SEL1L: variants seen among roughly 807,000 people sequenced by gnomAD.
SEL1L encodes protein sel-1 homolog 1.
A neutral mutation model predicts 109.8 loss-of-function variants in SEL1L; 52 were observed. The ratio of observed to expected loss-of-function variants is 0.47; its 90% CI spans 0.38 to 0.60. SEL1L has a LOEUF of 0.60. SEL1L is among the 20% of genes least tolerant of loss of function. SEL1L has a pLI of 0.00. For synonymous variants in SEL1L, 373 were observed against 339.6 expected, an observed-to-expected ratio of 1.10 and a Z score of -1.08; for missense variants, 749 against 962.2, an observed-to-expected ratio of 0.78 and a Z score of 2.93.
intron 3 of SEL1L, among the ~76,000 whole-genome samples, chr14:81,517,176 TTTG>T (rs1391139593): frequency 2.0e-5 from 3 of 152,138 alleles, no homozygotes; most frequent in African/African-American, 7.2e-5. Context: ...TGAGCTGCTG[TTTG>T]TTGAGAGCCA....
At chr14:81,492,596 C>T in intron 11 of SEL1L, 48 bp from the exon 12 acceptor site, 1 of 1,261,866 alleles carries the variant, frequency 7.9e-7, no homozygotes, top group Non-Finnish European at 1.1e-6. Flanking sequence ...ACAGAATCTG[C>T]TTTTGACTTT....
At chr14:81,485,300 G>A (rs1205218026) in intron 18 of SEL1L, among the ~76,000 whole-genome samples, 1 of 152,098 alleles carries the variant, frequency 6.6e-6, no homozygotes, top group African/African-American at 2.4e-5. Context: ...TTTTGAGAAG[G>A]AGTCTCGCTC....
intron 13 of SEL1L, among the ~76,000 whole-genome samples, chr14:81,489,889 C>T (rs1031709869): frequency 2.6e-5 from 4 of 152,086 alleles, no homozygotes; most frequent in Non-Finnish European, 5.9e-5. Context: ...ATTGTCATAG[C>T]ATTCCTTTGG....
In SEL1L at chr14:81,530,702, T is replaced by C. The variant is rs1951608; in HGVS notation, c.71-2964A>G. On this transcript the variant is annotated intron_variant, in intron 1 of 20. Transcript: ENST00000336735. Reference sequence around the variant, plus strand: ...TAGTGTCCTCCTTTAAATTTATTAATAGAAAAGAGAAAATGTTTCTAATAT... The same window carrying C: ...TAGTGTCCTCCTTTAAATTTATTAACAGAAAAGAGAAAATGTTTCTAATAT... Among the ~76,000 whole-genome samples, 534 of 152,346 alleles carry C rather than the reference T, an allele frequency of 3.5e-3. 1 individual carries two copies. Among genetic ancestry groups the C allele is most frequent in the African/African-American group, 0.012 (512 of 41,578 alleles).
chr14:81,477,115 T>G lies in SEL1L; in HGVS notation c.2242A>C (p.Met748Leu), dbSNP rs1903185458. 6.2e-7 allele frequency: 1 copy of G among 1,614,030 alleles called. No homozygotes were observed. Among genetic ancestry groups the G allele is most frequent in the South Asian group, 1.1e-5 (1 of 91,084 alleles). ...CCCAACAGCAGCGCAATGATGGTCA[T>G]GAGGTAAAGGTCCCACTCAGGTCCC... ...LLGPEWDLYL[M>L]TIIALLLGTV... Residue 748 changes from methionine (M) to leucine (L), a missense_variant, in exon 21 of 21, where the codon ATG (methionine) becomes CTG (leucine). Around this residue, in one of 2 missense-constraint regions of SEL1L, gnomAD observed 383 missense variants for 562.5 expected, o/e 0.68. Transcript: ENST00000336735.
intron 3 of SEL1L, among the ~76,000 whole-genome samples, chr14:81,509,723 T>G (rs985486517): frequency 6.6e-6 from 1 of 152,192 alleles, no homozygotes; most frequent in Non-Finnish European, 1.5e-5. Flanking sequence ...AGCAAGTGTA[T>G]GGATTAATAC....
rs564477217 is a variant in SEL1L at position 81,471,833 on chromosome 14, C to T, written c.*5139G>A. 6.6e-6 allele frequency: 1 copy of T among 152,106 alleles called. No individual in the cohort carries two copies. Among genetic ancestry groups the T allele is most frequent in the East Asian group, 1.9e-4 (1 of 5,198 alleles). The allele number at this position is 152,106 out of a possible 1,614,324, so 9.4% of individuals were successfully genotyped here. A position where few individuals can be genotyped will look rare whatever the true frequency, so the allele number is the denominator to read the frequency against. On this transcript the variant is annotated 3_prime_UTR_variant, in exon 21 of 21. Transcript: ENST00000336735. ...GTTCAATTTGATGGCGAAGTAGTGA[C>T]GTAAGTGACATGAGAAGGAACGTAC...
rs1884131121 is a variant in SEL1L, at chr14:81,504,142, C to T, written c.614+59G>A. On this transcript the variant is annotated intron_variant, in intron 5 of 20. Coordinates refer to ENST00000336735, the MANE Select transcript of SEL1L (RefSeq NM_005065.6). ...GTGCACTTTTTAAAGAATGTAGTTGCTATTTGTCTCAGTAATGGCCTGTCA... is the reference window on the plus strand; with the variant it reads ...GTGCACTTTTTAAAGAATGTAGTTGTTATTTGTCTCAGTAATGGCCTGTCA... The T allele has an allele frequency of 1.1e-5, 11 of 987,644 alleles. No homozygotes were observed. In the South Asian group the frequency reaches 2.1e-4, roughly 19 times the overall value. 61.2% of individuals were successfully genotyped at this position (987,644 alleles called of 1,614,324 possible).
intron 3 of SEL1L, among the ~76,000 whole-genome samples, chr14:81,516,514 T>C (rs1015891172): frequency 6.6e-6 from 1 of 152,188 alleles, no homozygotes; most frequent in African/African-American, 2.4e-5. Flanking sequence ...AGTTACCCAT[T>C]TGTTGTCCCC....
chr14:81,526,236 G>C (rs559559353), intron 3 of SEL1L, among the ~76,000 whole-genome samples: 21 of 152,160 alleles, frequency 1.4e-4, no homozygotes, highest in Non-Finnish European at 2.5e-4. Context: ...GAGGTTTCAA[G>C]ATTGTGAAAG....
chr14:81,477,494 AT>A (rs982645315), intron 20 of SEL1L, among the ~76,000 whole-genome samples: 1 of 152,104 alleles, frequency 6.6e-6, no homozygotes, highest in African/African-American at 2.4e-5. Flanking sequence ...TTCACAGAAA[AT>A]ATTTGGAAAA....
intron 1 of SEL1L, among the ~76,000 whole-genome samples, chr14:81,532,226 G>A (rs1008068077): frequency 3.3e-5 from 5 of 152,102 alleles, no homozygotes; most frequent in African/African-American, 9.7e-5. Context: ...GATACACACC[G>A]TGCTCTTTCA....
At position 81,506,060 on chromosome 14, in the gene SEL1L, T is replaced by C. The variant is rs148947018; in HGVS notation, c.508+14A>G. On this transcript the variant is annotated intron_variant, in intron 4 of 20. Coordinates refer to ENST00000336735, the MANE Select transcript of SEL1L (RefSeq NM_005065.6). The stretch of plus-strand genomic sequence containing the variant: ...AAAGCAATGCAGATCTGCCTCCTAC[T>C]GAGCAATACTTACTTTCACAAAAGC... The C allele has an allele frequency of 7.6e-4, 1,222 of 1,611,826 alleles. 10 individuals are homozygous for C. In the African/African-American group the frequency reaches 0.015, roughly 19 times the overall value.
chr14:81,502,947 G>T (rs1457976044), intron 5 of SEL1L, 64 bp from the exon 6 acceptor site: 2 of 1,344,078 alleles, frequency 1.5e-6, no homozygotes, highest in African/African-American at 1.5e-5. Context: ...AAGTTTTTTT[G>T]ATCTACTAAA....
At chr14:81,526,370 G>A (rs189064181) in intron 3 of SEL1L, among the ~76,000 whole-genome samples, 60 of 152,240 alleles carry the variant, frequency 3.9e-4, no homozygotes, top group Non-Finnish European at 4.1e-4. Context: ...AATAACCATA[G>A]TGGCATGTTA....
rs181557386 is a variant in SEL1L at position 81,520,678 on chromosome 14, G to C, written c.340+6055C>G. On this transcript the variant is annotated intron_variant, in intron 3 of 20. Coordinates refer to ENST00000336735, the MANE Select transcript of SEL1L (RefSeq NM_005065.6). ...TCACCTTAGAAATATGGTAAAGAGA[G>C]ACCTCTGGCAAACACACTGAAGGTA... Among the ~76,000 whole-genome samples the C allele has an allele frequency of 2.3e-4, 35 of 152,260 alleles. No homozygotes were observed. In the East Asian group the frequency reaches 6.4e-3, roughly 28 times the overall value.
At chr14:81,514,880 CT>C (rs1884637370) in intron 3 of SEL1L, among the ~76,000 whole-genome samples, 1 of 152,092 alleles carries the variant, frequency 6.6e-6, no homozygotes, top group Admixed American at 6.5e-5. Flanking sequence ...AAATGGTCAC[CT>C]GAGGGAAGTA....
In SEL1L at chr14:81,501,829, C is replaced by A. The variant is rs373444840; in HGVS notation, c.777+892G>T. Among the ~76,000 whole-genome samples the A allele has an allele frequency of 1.1e-3, 164 of 151,904 alleles. 1 individual carries two copies. In the South Asian group the frequency reaches 0.014, roughly 13 times the overall value. ...GAACATCCCTTGTAATGTAGTCTAG[C>A]CAAAAATATTTTACTTGTATTCATC... On this transcript the variant is annotated intron_variant, in intron 6 of 20. Coordinates refer to ENST00000336735, the MANE Select transcript of SEL1L (RefSeq NM_005065.6).
rs1035120512 is a variant in SEL1L, at chr14:81,474,312, A to C, written c.*2660T>G. On this transcript the variant is annotated 3_prime_UTR_variant, in exon 21 of 21. Coordinates refer to ENST00000336735, the MANE Select transcript of SEL1L (RefSeq NM_005065.6). The stretch of plus-strand genomic sequence containing the variant: ...AACTAGAAGCAAAATGAATAGTTTC[A>C]AGACAGTCGGCTAACCAACAAACCA... 1 of 152,010 alleles carries C rather than the reference A, an allele frequency of 6.6e-6. No homozygotes were observed. Among genetic ancestry groups the C allele is most frequent in the Admixed American group, 6.6e-5 (1 of 15,264 alleles). 9.4% of individuals were successfully genotyped at this position (152,010 alleles called of 1,614,324 possible).
Sources: gnomAD v4.1 joint callset for allele counts (sites outside exome capture counted in the v4.1 genomes callset) on GRCh38, gnomAD v4.1.1 for gene constraint, gnomAD v4.1.1 regional missense constraint, MANE v1.5 for transcripts, NCBI Gene and HGNC (gene_info 2026-07-23, HGNC 2026-07-21) for gene names.